Variants in RAPGEF5 observed in about 807,000 individuals in gnomAD.
The protein encoded by RAPGEF5 is M-Ras-regulated GEF.
A neutral mutation model predicts 125.2 loss-of-function variants in RAPGEF5; 65 were observed. The ratio of observed to expected loss-of-function variants is 0.52; its 90% confidence interval spans 0.43 to 0.64. The LOEUF (loss-of-function observed/expected upper bound fraction) is 0.64, where lower values mean the gene tolerates loss of function less well. Among genes scored for constraint, RAPGEF5 ranks in the 30% least tolerant of loss-of-function variants. The pLI, the probability that RAPGEF5 is intolerant of heterozygous loss-of-function variation, is 0.00. For synonymous variants in RAPGEF5, 391 were observed against 385.9 expected, an observed-to-expected ratio of 1.01 and a Z score of -0.16; for missense variants, 958 against 1,048.1, an observed-to-expected ratio of 0.91 and a Z score of 1.19.
At chr7:22,135,968 C>A in intron 23 of RAPGEF5, 70 bp downstream of exon 23, 1 of 1,241,276 alleles carries the variant, frequency 8.1e-7, no homozygotes, top group African/African-American at 1.5e-5. Flanking sequence ...CCCTTTTTTG[C>A]CCTCAATAGT....
At chr7:22,130,866 G>T in intron 24 of RAPGEF5, 171 bp downstream of exon 24, 1 of 833,574 alleles carries the variant, frequency 1.2e-6, no homozygotes, top group Admixed American at 3.6e-5. Context: ...CATTTTGTTG[G>T]CAGCGTACAA....
Position 22,118,446 on chromosome 7 carries a change from C to T in RAPGEF5, c.*3960G>A, listed in dbSNP as rs17707505. The T allele has an allele frequency of 0.05, 7,667 of 152,458 alleles. 247 individuals are homozygous for T. The highest frequency in any genetic ancestry group is 0.076 in the Non-Finnish European group (5,137 of 67,978). 9.4% of individuals were successfully genotyped at this position (152,458 alleles called of 1,614,324 possible). On this transcript the variant is annotated 3_prime_UTR_variant, in exon 26 of 26. Coordinates refer to ENST00000665637, the MANE Select transcript of RAPGEF5 (RefSeq NM_012294.5). The stretch of plus-strand genomic sequence containing the variant: ...CATATAAATTATTGCTTACTAGCTT[C>T]GATAAATACACAGCACAGTCATATA...
chr7:22,161,095 G>A (rs1196445613), intron 13 of RAPGEF5, among the ~76,000 whole-genome samples: 2 of 151,726 alleles, frequency 1.3e-5, no homozygotes, highest in Non-Finnish European at 2.9e-5. Context: ...GTAATCCCCA[G>A]CTACTCGGGA....
chr7:22,303,104 G>C (rs1783250582), intron 5 of RAPGEF5, among the ~76,000 whole-genome samples: 1 of 152,212 alleles, frequency 6.6e-6, no homozygotes, highest in East Asian at 1.9e-4. Flanking sequence ...AAACAAGGTA[G>C]TGTTAGAAGC....
intron 9 of RAPGEF5, among the ~76,000 whole-genome samples, chr7:22,205,675 C>G (rs1785380960): frequency 6.6e-6 from 1 of 152,188 alleles, no homozygotes; most frequent in Non-Finnish European, 1.5e-5. Flanking sequence ...AGGTTACTTT[C>G]TTGGTATTTC....
chr7:22,243,028 A>G (rs2128136563), intron 7 of RAPGEF5, among the ~76,000 whole-genome samples: 1 of 152,180 alleles, frequency 6.6e-6, no homozygotes, highest in Admixed American at 6.5e-5. Flanking sequence ...GCTCAGTGAC[A>G]GTGGGTAGCA....
chr7:22,249,306 C>G (rs982829974), intron 7 of RAPGEF5, among the ~76,000 whole-genome samples: 1 of 152,168 alleles, frequency 6.6e-6, no homozygotes, highest in Non-Finnish European at 1.5e-5. Context: ...AATTCTCCCA[C>G]CTCAGCCTCC....
intron 2 of RAPGEF5, 114 bp downstream of exon 2, chr7:22,317,873 C>T (rs1783634389): frequency 2.1e-6 from 3 of 1,413,684 alleles, no homozygotes; most frequent in Non-Finnish European, 2.9e-6. Context: ...TGCAGCATCC[C>T]TGCAAAACTC....
At chr7:22,142,710 C>T (rs1390044552) in intron 20 of RAPGEF5, among the ~76,000 whole-genome samples, 2 of 152,318 alleles carry the variant, frequency 1.3e-5, no homozygotes, top group East Asian at 3.8e-4. Flanking sequence ...ACTAAACATT[C>T]CAGTTCAGCA....
At chr7:22,345,830 A>G (rs1784214276) in intron 1 of RAPGEF5, among the ~76,000 whole-genome samples, 1 of 152,048 alleles carries the variant, frequency 6.6e-6, no homozygotes, top group African/African-American at 2.4e-5. Flanking sequence ...TGCTGCCACT[A>G]AGTACTCTTC....
intron 1 of RAPGEF5, among the ~76,000 whole-genome samples, chr7:22,349,422 C>CA (rs34428356): frequency 0.23 from 17,177 of 74,324 alleles, 1,637 homozygotes; most frequent in Non-Finnish European, 0.27. Flanking sequence ...AGACTCCATC[C>CA]AAAAAAAAAA....
chr7:22,142,370 T>A (rs533629198), intron 20 of RAPGEF5, among the ~76,000 whole-genome samples: 1 of 152,368 alleles, frequency 6.6e-6, no homozygotes, highest in East Asian at 1.9e-4. Flanking sequence ...TTATCATTAT[T>A]CATTATAAAG....
intron 11 of RAPGEF5, chr7:22,191,596 T>C (rs1179655522): frequency 2.1e-6 from 1 of 471,162 alleles, no homozygotes; most frequent in Admixed American, 2.3e-5. Flanking sequence ...CTTGGCTTTG[T>C]GAGCACATGG....
intron 11 of RAPGEF5, among the ~76,000 whole-genome samples, chr7:22,169,859 C>CAAAAGAAAAAAAA (rs1554321954): frequency 3.5e-4 from 9 of 25,946 alleles, no homozygotes; most frequent in African/African-American, 1.8e-3. Context: ...GACTCTGTGT[C>CAAAAGAAAAAAAA]AAAAAAAAAA....
At chr7:22,152,985 T>C (rs1054468295) in intron 17 of RAPGEF5, among the ~76,000 whole-genome samples, 1 of 152,242 alleles carries the variant, frequency 6.6e-6, no homozygotes. Flanking sequence ...CTGATGAATC[T>C]AATTTAATAG....
intron 1 of RAPGEF5, among the ~76,000 whole-genome samples, chr7:22,346,896 T>C (rs1218709808): frequency 6.6e-6 from 1 of 152,162 alleles, no homozygotes; most frequent in African/African-American, 2.4e-5. Context: ...AGCAGATGAA[T>C]ACAAAACAGA....
At chr7:22,338,952 C>T (rs748299896) in intron 1 of RAPGEF5, among the ~76,000 whole-genome samples, 1 of 152,124 alleles carries the variant, frequency 6.6e-6, no homozygotes, top group African/African-American at 2.4e-5. Flanking sequence ...CAGGGAAAGG[C>T]GGCCTCCCAA....
chr7:22,254,149 C>T (rs930670527), intron 7 of RAPGEF5, among the ~76,000 whole-genome samples: 10 of 152,100 alleles, frequency 6.6e-5, no homozygotes, highest in Admixed American at 5.9e-4. Context: ...ACAAATGCCT[C>T]GCATGGTGAG....
chr7:22,299,015 G>A lies in RAPGEF5; in HGVS notation c.681-7774C>T, dbSNP rs527624835. On this transcript the variant is annotated intron_variant, in intron 5 of 25. Transcript: ENST00000665637. ...CTTCAACACTCTGGTGAGAGATTTC[G>A]TACCTTTTTTTTTTTTTTCAAAGAA... 1.3e-4 allele frequency among the ~76,000 whole-genome samples: 17 copies of A among 133,802 alleles called. No homozygotes were observed. The East Asian group carries it at 1.3e-3, about 10-fold the overall frequency. The allele number at this position is 133,802 out of a possible 152,430, so 87.8% of individuals were successfully genotyped here.
Sources: gnomAD v4.1 joint callset for allele counts (sites outside exome capture counted in the v4.1 genomes callset) on GRCh38, gnomAD v4.1.1 for gene constraint, MANE v1.5 for transcripts, NCBI Gene and HGNC (gene_info 2026-07-23, HGNC 2026-07-21) for gene names.